Variants in EYS observed in about 807,000 individuals in gnomAD.
The protein encoded by EYS is EGF-like photoreceptor maintenance factor.
EYS carries 250 observed loss-of-function variants against 282.1 expected under a neutral mutation model. The observed-to-expected ratio is 0.89, with a 90% CI of 0.80 to 0.98. EYS has a LOEUF of 0.98. Ranked by LOEUF, EYS falls within the 50% of genes least tolerant of loss-of-function variation. The pLI is 0.00. For missense variants in EYS, 4,016 were observed against 3,709.0 expected (o/e 1.08, Z -2.15); for synonymous variants, 1,355 against 1,282.9 (o/e 1.06, Z -1.20).
intron 29 of EYS, among the ~76,000 whole-genome samples, chr6:64,365,979 G>T (rs954934876): frequency 3.3e-5 from 5 of 152,006 alleles, no homozygotes; most frequent in African/African-American, 9.7e-5. Context: ...AAATATGTTA[G>T]TATAAATAGC....
intron 22 of EYS, among the ~76,000 whole-genome samples, chr6:64,722,432 G>A (rs1239121794): frequency 6.6e-6 from 1 of 151,206 alleles, no homozygotes; most frequent in African/African-American, 2.4e-5. Context: ...ATAAAACGAA[G>A]AGAAGAGGAG....
chr6:65,664,747 T>C (rs1768141152), intron 1 of EYS, among the ~76,000 whole-genome samples: 1 of 152,212 alleles, frequency 6.6e-6, no homozygotes, highest in South Asian at 2.1e-4. Context: ...ATATTATTTC[T>C]TTCAGAGGGA....
At chr6:64,323,535 C>T (rs1770296297) in intron 29 of EYS, among the ~76,000 whole-genome samples, 1 of 151,994 alleles carries the variant, frequency 6.6e-6, no homozygotes, top group African/African-American at 2.4e-5. Flanking sequence ...AATTATGAGT[C>T]ATCCAATAAA....
intron 28 of EYS, among the ~76,000 whole-genome samples, chr6:64,405,666 C>T (rs1179281964): frequency 6.6e-6 from 1 of 152,114 alleles, no homozygotes; most frequent in Non-Finnish European, 1.5e-5. Context: ...AAATCACAAG[C>T]ATTCCTATAC....
chr6:65,287,601 G>T (rs928151800), intron 12 of EYS, among the ~76,000 whole-genome samples: 1 of 150,886 alleles, frequency 6.6e-6, no homozygotes, highest in Non-Finnish European at 1.5e-5. Flanking sequence ...TAATGAGTTT[G>T]GGAGAAACCA....
At chr6:64,028,942 T>C (rs905097605) in intron 33 of EYS, among the ~76,000 whole-genome samples, 1 of 152,182 alleles carries the variant, frequency 6.6e-6, no homozygotes, top group Non-Finnish European at 1.5e-5. Context: ...AAGGAACGAA[T>C]ACAGCCTATA....
chr6:64,734,493 A>G (rs991371810), intron 22 of EYS, among the ~76,000 whole-genome samples: 4 of 152,246 alleles, frequency 2.6e-5, no homozygotes, highest in Admixed American at 1.3e-4. Flanking sequence ...AGAGCATAGA[A>G]ATCAGAATAA....
At chr6:64,261,374 T>A (rs1211942273) in intron 30 of EYS, among the ~76,000 whole-genome samples, 1 of 152,112 alleles carries the variant, frequency 6.6e-6, no homozygotes, top group Non-Finnish European at 1.5e-5. Context: ...TTTAATACTG[T>A]TAGAGTTTTG....
chr6:64,435,437 CCT>C lies in EYS; in HGVS notation c.5927+735_5927+736del, dbSNP rs199646751. ...TCTCTGTTTAGGACTTCTTCTTCTTCCTTTTTTTTTTTTTTTCCTTTTTATTG... is the reference window on the plus strand; with the variant it reads ...TCTCTGTTTAGGACTTCTTCTTCTTCTTTTTTTTTTTTTTCCTTTTTATTG... On this transcript the variant is annotated intron_variant, in intron 28 of 42. Transcript: ENST00000503581. Among the ~76,000 whole-genome samples the C allele has an allele frequency of 4.6e-3, 601 of 131,284 alleles. 4 individuals carry two copies. The highest frequency in any genetic ancestry group is 0.015 in the African/African-American group (559 of 37,024). 86.1% of individuals were successfully genotyped at this position (131,284 alleles called of 152,430 possible).
intron 28 of EYS, among the ~76,000 whole-genome samples, chr6:64,395,108 C>T (rs1334820993): frequency 2.6e-5 from 4 of 151,978 alleles, no homozygotes; most frequent in African/African-American, 9.7e-5. Context: ...GTTAGAATGG[C>T]GATCATTAAA....
chr6:64,158,158 C>T (rs1284934539), intron 31 of EYS, among the ~76,000 whole-genome samples: 1 of 152,172 alleles, frequency 6.6e-6, no homozygotes, highest in African/African-American at 2.4e-5. Context: ...CTGCACAGTA[C>T]CTATCAGCTT....
intron 22 of EYS, among the ~76,000 whole-genome samples, chr6:64,692,431 G>C (rs1770423210): frequency 6.6e-6 from 1 of 152,108 alleles, no homozygotes; most frequent in Non-Finnish European, 1.5e-5. Flanking sequence ...TGTTTATACT[G>C]TTTATATCTT....
intron 12 of EYS, among the ~76,000 whole-genome samples, chr6:65,284,370 CT>C (rs886375787): frequency 2.6e-5 from 4 of 151,310 alleles, no homozygotes; most frequent in South Asian, 2.1e-4. Flanking sequence ...AAAGCTACTA[CT>C]TTTTTTTTGC....
At chr6:65,491,928 G>GA (rs1404661045) in intron 4 of EYS, among the ~76,000 whole-genome samples, 1 of 152,100 alleles carries the variant, frequency 6.6e-6, no homozygotes, top group African/African-American at 2.4e-5. Flanking sequence ...TACATACAGA[G>GA]AAATGACAAT....
intron 13 of EYS, among the ~76,000 whole-genome samples, chr6:65,036,164 G>A (rs1772764268): frequency 6.6e-6 from 1 of 151,598 alleles, no homozygotes; most frequent in South Asian, 2.1e-4. Context: ...ACAGCATCCA[G>A]AAATAGAGCG....
intron 26 of EYS, among the ~76,000 whole-genome samples, chr6:64,484,360 C>CAA (rs112366576): frequency 6.4e-5 from 9 of 140,476 alleles, no homozygotes; most frequent in African/African-American, 2.1e-4. Flanking sequence ...GGCATAAGAG[C>CAA]AAAAAAAAAA....
intron 28 of EYS, among the ~76,000 whole-genome samples, chr6:64,403,905 C>A (rs1473438155): frequency 6.6e-6 from 1 of 152,074 alleles, no homozygotes; most frequent in Non-Finnish European, 1.5e-5. Context: ...TGGATTTTTT[C>A]AGAGGAAAAT....
At chr6:63,857,618 G>A in intron 36 of EYS, 1 of 431,828 alleles carries the variant, frequency 2.3e-6, no homozygotes, top group Non-Finnish European at 4.8e-6. Context: ...GTCCACGTGT[G>A]CTCAGTGTGC....
intron 31 of EYS, among the ~76,000 whole-genome samples, chr6:64,150,674 T>A (rs1774671973): frequency 6.6e-6 from 1 of 151,872 alleles, no homozygotes; most frequent in Non-Finnish European, 1.5e-5. Flanking sequence ...TAGCAAGGTA[T>A]ATGTGTAAGC....
Sources: gnomAD v4.1 joint callset for allele counts (sites outside exome capture counted in the v4.1 genomes callset) on GRCh38, gnomAD v4.1.1 for gene constraint, MANE v1.5 for transcripts, NCBI Gene and HGNC (gene_info 2026-07-23, HGNC 2026-07-21) for gene names.